Variants in PRKCQ observed in about 807,000 individuals in gnomAD.
PRKCQ encodes protein kinase C theta.
In PRKCQ, 41 loss-of-function variants were observed where a neutral mutation model predicts 91.2. The ratio of observed to expected loss-of-function variants is 0.45; its 90% CI spans 0.35 to 0.58. The LOEUF is 0.58. Among genes scored for constraint, PRKCQ ranks in the 20% least tolerant of loss-of-function variants. The pLI, the probability that PRKCQ is intolerant of heterozygous loss-of-function variation, is 0.00. For missense variants in PRKCQ, 673 were observed against 896.5 expected (o/e 0.75, Z 3.18); for synonymous variants, 307 against 316.9 (o/e 0.97, Z 0.33).
At chr10:6,546,386 G>A (rs1047933869) in intron 1 of PRKCQ, among the ~76,000 whole-genome samples, 9 of 152,170 alleles carry the variant, frequency 5.9e-5, no homozygotes, top group Admixed American at 3.3e-4. Flanking sequence ...AGGTTGCAGA[G>A]GAAAGGAAAT....
chr10:6,488,341 G>T (rs1183114010), intron 8 of PRKCQ, among the ~76,000 whole-genome samples: 1 of 151,652 alleles, frequency 6.6e-6, no homozygotes, highest in Non-Finnish European at 1.5e-5. Flanking sequence ...TCTTCAAATA[G>T]CTCAATAATA....
At chr10:6,439,671 T>C (rs954183443) in intron 16 of PRKCQ, among the ~76,000 whole-genome samples, 6 of 131,674 alleles carry the variant, frequency 4.6e-5, no homozygotes, top group African/African-American at 1.4e-4. Flanking sequence ...CACATTTTCC[T>C]ATAATTTTCT....
chr10:6,425,184 TG>T (rs1350266289), downstream of PRKCQ, among the ~76,000 whole-genome samples: 1 of 151,790 alleles, frequency 6.6e-6, no homozygotes, highest in Non-Finnish European at 1.5e-5. Context: ...AACCCTCTAG[TG>T]TAAGCTTTAT....
intron 1 of PRKCQ, among the ~76,000 whole-genome samples, chr10:6,553,493 A>C (rs1341976435): frequency 8.7e-6 from 1 of 115,498 alleles, no homozygotes; most frequent in Admixed American, 8.0e-5. Context: ...CTGTCTCAAA[A>C]AAAAAAAAAA....
At chr10:6,456,026 G>A (rs957577115) in intron 15 of PRKCQ, among the ~76,000 whole-genome samples, 3 of 152,156 alleles carry the variant, frequency 2.0e-5, no homozygotes, top group Admixed American at 1.3e-4. Flanking sequence ...CTCCCTGGGT[G>A]GGCAGCTGGG....
At chr10:6,408,222 G>A in the PRKCQ span, among the ~76,000 whole-genome samples, 1,349 of 152,082 alleles carry the variant, frequency 8.9e-3, 18 homozygotes, top group African/African-American at 0.031. Flanking sequence ...GCTCAGTTTA[G>A]ATTTTGCTGA....
the PRKCQ span, among the ~76,000 whole-genome samples, chr10:6,421,880 A>T: frequency 6.6e-6 from 1 of 152,196 alleles, no homozygotes. This position sits in a 1 kb window ranked among gnomAD's most constrained non-coding sequence, Gnocchi z 4.1. Flanking sequence ...CATGGTAGTT[A>T]AGACACATTG....
chr10:6,563,785 C>T (rs950041529), intron 1 of PRKCQ, among the ~76,000 whole-genome samples: 3 of 152,308 alleles, frequency 2.0e-5, no homozygotes, highest in East Asian at 3.9e-4. Flanking sequence ...CTGCTCAAGC[C>T]GAGGGCTAGG....
At position 6,508,757 on chromosome 10, in the gene PRKCQ, A is replaced by C. The variant is rs148432226; in HGVS notation, c.319-1261T>G. 1.1e-3 allele frequency among the ~76,000 whole-genome samples: 174 copies of C among 152,334 alleles called. 1 individual carries two copies. The highest frequency in any genetic ancestry group is 4.0e-3 in the African/African-American group (166 of 41,574). Reference sequence around the variant, plus strand: ...GGCACCAGGTGACCACAAGGTTGGCAGTATTCAGTACTTAGTAGTGATGGA... The same window carrying C: ...GGCACCAGGTGACCACAAGGTTGGCCGTATTCAGTACTTAGTAGTGATGGA... On this transcript the variant is annotated intron_variant, in intron 3 of 17. Coordinates refer to ENST00000263125, the MANE Select transcript of PRKCQ (RefSeq NM_006257.5).
intron 15 of PRKCQ, among the ~76,000 whole-genome samples, chr10:6,449,637 T>C (rs1834536238): frequency 6.6e-6 from 1 of 151,822 alleles, no homozygotes; most frequent in Non-Finnish European, 1.5e-5. Flanking sequence ...ATTGTCAGAT[T>C]CACCAAAGTT....
intron 12 of PRKCQ, among the ~76,000 whole-genome samples, chr10:6,470,084 G>C (rs2130734122): frequency 6.6e-6 from 1 of 152,238 alleles, no homozygotes; most frequent in East Asian, 1.9e-4. Flanking sequence ...CACTGAATCT[G>C]CCTATCCACC....
chr10:6,434,548 G>C (rs1833603206), intron 16 of PRKCQ, among the ~76,000 whole-genome samples: 1 of 152,122 alleles, frequency 6.6e-6, no homozygotes, highest in Non-Finnish European at 1.5e-5. Flanking sequence ...CATGGGAGTG[G>C]GGCCAGGCTG....
rs1835399574 is a variant in PRKCQ, at chr10:6,462,384, A to G, written c.1446-19T>C. ...ATAAAACCTGGGGGAAGGAGAACCA[A>G]GGTTCAACATGAATGTTGTCATGGA... On this transcript the variant is annotated intron_variant, in intron 13 of 17. Coordinates refer to ENST00000263125, the MANE Select transcript of PRKCQ (RefSeq NM_006257.5). 6.2e-7 allele frequency: 1 copy of G among 1,611,336 alleles called. No homozygotes were observed. The highest frequency in any genetic ancestry group is 2.2e-5 in the East Asian group (1 of 44,864).
rs1191025096 is a variant in PRKCQ at position 6,478,892 on chromosome 10, A to G, written c.1353+100T>C. On this transcript the variant is annotated intron_variant, in intron 12 of 17. Coordinates refer to ENST00000263125, the MANE Select transcript of PRKCQ (RefSeq NM_006257.5). ...AGGTACACCGAAATGTAAGATAAAT[A>G]TGGAGGCAATGACTCGTGTCTCCTA... 9 of 1,326,650 alleles carry G rather than the reference A, an allele frequency of 6.8e-6. No individual in the cohort carries two copies. In the East Asian group the frequency reaches 2.1e-4, roughly 31 times the overall value. 82.2% of individuals were successfully genotyped at this position (1,326,650 alleles called of 1,614,324 possible).
intron 1 of PRKCQ, among the ~76,000 whole-genome samples, chr10:6,546,480 T>C (rs1426075431): frequency 2.6e-5 from 4 of 152,220 alleles, no homozygotes; most frequent in Admixed American, 6.5e-5. Flanking sequence ...CTTAGGTATT[T>C]TACTCTCTTT....
Position 6,578,203 on chromosome 10 carries a change from G to C in PRKCQ, c.-10+2008C>G, listed in dbSNP as rs972592357. Among the ~76,000 whole-genome samples, 19 of 152,208 alleles carry C rather than the reference G, an allele frequency of 1.2e-4. No homozygotes were observed. In the East Asian group the frequency reaches 3.7e-3, roughly 29 times the overall value. On this transcript the variant is annotated intron_variant, in intron 1 of 17. Transcript: ENST00000263125. ...TCCCCTTGTTGCCTGAAGGAGAAGT[G>C]AGACAGCAAAACAAATCAAATTTCC... is the stretch of plus-strand genomic sequence containing the variant.
chr10:6,499,371 G>A (rs577889460), intron 4 of PRKCQ, among the ~76,000 whole-genome samples: 1 of 152,220 alleles, frequency 6.6e-6, no homozygotes, highest in East Asian at 1.9e-4. Flanking sequence ...CTTTCCAAAG[G>A]GTTGAAAAAC....
chr10:6,402,404 A>G, the PRKCQ span, among the ~76,000 whole-genome samples: 4 of 139,864 alleles, frequency 2.9e-5, no homozygotes, highest in Non-Finnish European at 4.6e-5. Context: ...GCTGAGCTTC[A>G]TCTATTCCTT....
chr10:6,417,679 G>A, the PRKCQ span, among the ~76,000 whole-genome samples: 3 of 152,280 alleles, frequency 2.0e-5, no homozygotes, highest in South Asian at 4.1e-4. Flanking sequence ...GAGTGGCCAC[G>A]TGAACATTCA....
Sources: gnomAD v4.1 joint callset for allele counts (sites outside exome capture counted in the v4.1 genomes callset) on GRCh38, gnomAD v4.1.1 for gene constraint, Gnocchi (gnomAD v3.1) non-coding constraint, MANE v1.5 for transcripts, NCBI Gene and HGNC (gene_info 2026-07-23, HGNC 2026-07-21) for gene names.